Variants in ACSBG1 observed in about 807,000 individuals in gnomAD.
ACSBG1 encodes acyl-CoA synthetase bubblegum family member 1.
A neutral mutation model predicts 80.2 loss-of-function variants in ACSBG1; 39 were observed. The ratio of observed to expected loss-of-function variants is 0.49; its 90% confidence interval spans 0.38 to 0.64. ACSBG1 has a LOEUF of 0.64. Among genes scored for constraint, ACSBG1 ranks in the 30% least tolerant of loss-of-function variants. The probability of loss-of-function intolerance (pLI) is 0.00; values close to 1 mark genes in which losing one functional copy is unlikely to be tolerated. For missense variants in ACSBG1, 828 were observed against 966.4 expected, an observed-to-expected ratio of 0.86 and a Z score of 1.90; for synonymous variants, 392 against 379.5, an observed-to-expected ratio of 1.03 and a Z score of -0.38.
chr15:78,212,359 C>T (rs566705952), intron 1 of ACSBG1, among the ~76,000 whole-genome samples: 19 of 152,224 alleles, frequency 1.2e-4, no homozygotes, highest in Non-Finnish European at 2.4e-4. Flanking sequence ...ATCATTATTA[C>T]GCATGAGCTC....
intron 7 of ACSBG1, 29 bp downstream of exon 7, chr15:78,182,437 C>A (rs202069834): frequency 6.8e-6 from 11 of 1,611,082 alleles, no homozygotes; most frequent in Admixed American, 1.7e-5. Flanking sequence ...CCCTTGCACC[C>A]CCCCCACCCC....
chr15:78,223,824 C>G (rs1345264123), intron 1 of ACSBG1, among the ~76,000 whole-genome samples: 1 of 152,180 alleles, frequency 6.6e-6, no homozygotes, highest in Non-Finnish European at 1.5e-5. Flanking sequence ...GCTCTAAATT[C>G]AATCACATGT....
At chr15:78,201,190 T>C (rs1051855203) in intron 2 of ACSBG1, among the ~76,000 whole-genome samples, 2 of 152,208 alleles carry the variant, frequency 1.3e-5, no homozygotes, top group African/African-American at 2.4e-5. Flanking sequence ...CCCTCCTCTC[T>C]GGGTCCTGGC....
intron 2 of ACSBG1, among the ~76,000 whole-genome samples, chr15:78,196,648 G>A (rs981558037): frequency 1.3e-5 from 2 of 152,118 alleles, no homozygotes; most frequent in African/African-American, 2.4e-5. Flanking sequence ...ATGTCCCCAC[G>A]AAGACTTACA....
intron 2 of ACSBG1, among the ~76,000 whole-genome samples, chr15:78,199,776 T>A (rs1050598365): frequency 6.6e-5 from 10 of 151,582 alleles, no homozygotes; most frequent in Admixed American, 4.6e-4. Context: ...GGATTACAGG[T>A]GTGAGCCACT....
At chr15:78,229,304 A>C (rs4887020) in intron 1 of ACSBG1, among the ~76,000 whole-genome samples, 86,616 of 152,150 alleles carry the variant, frequency 0.57, 24,865 homozygotes, top group East Asian at 0.67. Context: ...GTAAAGAAAC[A>C]AAAACATGAA....
At chr15:78,180,238 T>C (rs1199665753) in intron 9 of ACSBG1, among the ~76,000 whole-genome samples, 1 of 152,228 alleles carries the variant, frequency 6.6e-6, no homozygotes, top group African/African-American at 2.4e-5. Context: ...ACACATCTCA[T>C]GAAACATACC....
chr15:78,226,270 T>C (rs2141390562), intron 1 of ACSBG1, among the ~76,000 whole-genome samples: 1 of 152,334 alleles, frequency 6.6e-6, no homozygotes, highest in African/African-American at 2.4e-5. Context: ...ATATTCTATG[T>C]TAGAAATGAA....
chr15:78,192,071 C>T lies in ACSBG1; in HGVS notation c.663+1435G>A, dbSNP rs544897727. 8.5e-5 allele frequency among the ~76,000 whole-genome samples: 13 copies of T among 152,236 alleles called. 1 individual carries two copies. The highest frequency in any genetic ancestry group is 3.9e-4 in the Admixed American group (6 of 15,292). The stretch of plus-strand genomic sequence containing the variant: ...TTGGACACAGACAGACACAGAAGGA[C>T]GACGACGTGAAGACACTGTGAGAAC... On this transcript the variant is annotated intron_variant, in intron 5 of 13. Coordinates refer to ENST00000258873, the MANE Select transcript of ACSBG1 (RefSeq NM_015162.5).
intron 9 of ACSBG1, 107 bp from the exon 10 acceptor site, chr15:78,179,887 C>T (rs1351420016): frequency 5.1e-6 from 5 of 980,452 alleles, no homozygotes; most frequent in Non-Finnish European, 7.6e-6. Flanking sequence ...AGTGAGAACA[C>T]CCTGGCTCGG....
intron 11 of ACSBG1, among the ~76,000 whole-genome samples, chr15:78,176,577 C>T (rs1400941710): frequency 6.6e-6 from 1 of 151,926 alleles, no homozygotes; most frequent in Non-Finnish European, 1.5e-5. Context: ...ATTTAAAATA[C>T]CTTAAAAAAT....
intron 1 of ACSBG1, among the ~76,000 whole-genome samples, chr15:78,228,326 G>A (rs929782519): frequency 1.3e-5 from 2 of 152,204 alleles, no homozygotes; most frequent in Non-Finnish European, 2.9e-5. Flanking sequence ...CTTTTGCGGA[G>A]CTGAAGAGGT....
At chr15:78,182,852 T>C (rs2074963121) in intron 5 of ACSBG1, 67 bp from the exon 6 acceptor site, 1 of 1,565,076 alleles carries the variant, frequency 6.4e-7, no homozygotes, top group East Asian at 2.2e-5. Context: ...AAGTACCCCA[T>C]CTCCCTGTGT....
At chr15:78,216,031 C>T (rs2141377384) in intron 1 of ACSBG1, among the ~76,000 whole-genome samples, 1 of 152,330 alleles carries the variant, frequency 6.6e-6, no homozygotes, top group East Asian at 1.9e-4. Context: ...TGATCTCCTC[C>T]CAAGGCACTC....
chr15:78,194,586 T>C lies in ACSBG1; in HGVS notation c.373A>G (p.Lys125Glu). ...ATGTGTTCCCACTTGTCCTGGCGCT[T>C]GAAGCCCAAAGCGATGAGGTCCCCA... ...KYGDLIALGFKRQDKWEHISY... is the reference protein window; with the variant it reads ...KYGDLIALGFERQDKWEHISY... The change falls in exon 3 of 14, where the codon AAG becomes GAG. Residue 125 changes from lysine to glutamate, a missense_variant. Physicochemically the swap from Lys to Glu is moderately conservative, Grantham distance 56 (BLOSUM62 1). This residue lies in a region of ACSBG1 where 356 missense variants were observed against 363.5 expected (regional missense o/e 0.98). Coordinates refer to ENST00000258873, the MANE Select transcript of ACSBG1 (RefSeq NM_015162.5). 6.2e-7 allele frequency: 1 copy of C among 1,614,238 alleles called. No individual in the cohort carries two copies. Among genetic ancestry groups the C allele is most frequent in the Non-Finnish European group, 8.5e-7 (1 of 1,180,028 alleles).
At position 78,168,744 on chromosome 15, in the gene ACSBG1, C is replaced by T. The variant is rs1052355464; in HGVS notation, c.*2700G>A. On this transcript the variant is annotated 3_prime_UTR_variant, in exon 14 of 14. Coordinates refer to ENST00000258873, the MANE Select transcript of ACSBG1 (RefSeq NM_015162.5). ...TTGTATACACTATGAGATTGGATCC[C>T]GATCCTCCTGGGCTGGGTAGATGGT... 23 of 558,154 alleles carry T rather than the reference C, an allele frequency of 4.1e-5. No individual in the cohort carries two copies. Among genetic ancestry groups the T allele is most frequent in the South Asian group, 9.4e-5 (4 of 42,720 alleles). The allele number at this position is 558,154 out of a possible 1,614,324, so 34.6% of individuals were successfully genotyped here. A position where few individuals can be genotyped will look rare whatever the true frequency, so the allele number is the denominator to read the frequency against.
At chr15:78,223,974 C>T (rs2075379655) in intron 1 of ACSBG1, among the ~76,000 whole-genome samples, 1 of 152,148 alleles carries the variant, frequency 6.6e-6, no homozygotes, top group Admixed American at 6.5e-5. Context: ...AGGCAGGGAA[C>T]AGATTCTGTC....
intron 1 of ACSBG1, among the ~76,000 whole-genome samples, chr15:78,223,682 G>A (rs1275661023): frequency 6.6e-6 from 1 of 152,240 alleles, no homozygotes; most frequent in East Asian, 1.9e-4. Flanking sequence ...TATCCACGTA[G>A]TGTTACCATG....
chr15:78,208,550 G>A (rs2075238696), intron 1 of ACSBG1, among the ~76,000 whole-genome samples: 1 of 152,176 alleles, frequency 6.6e-6, no homozygotes, highest in African/African-American at 2.4e-5. Flanking sequence ...CCAGTCCCCA[G>A]CCATGCCCAG....
Sources: gnomAD v4.1 joint callset for allele counts (sites outside exome capture counted in the v4.1 genomes callset) on GRCh38, gnomAD v4.1.1 for gene constraint, gnomAD v4.1.1 regional missense constraint, MANE v1.5 for transcripts, NCBI Gene and HGNC (gene_info 2026-07-23, HGNC 2026-07-21) for gene names.